The following EYS variants were observed in gnomAD, a reference collection of about 807,000 sequenced individuals.
EYS encodes the protein protein eyes shut homolog.
In EYS, 250 loss-of-function variants were observed where a neutral mutation model predicts 282.1. That is an observed-to-expected ratio of 0.89 (90% CI 0.80 to 0.98). EYS has a LOEUF of 0.98. EYS is among the 50% of genes least tolerant of loss of function. The pLI, the probability that EYS is intolerant of heterozygous loss-of-function variation, is 0.00. For missense variants in EYS, 4,016 were observed against 3,709.0 expected, an observed-to-expected ratio of 1.08 and a Z score of -2.15; for synonymous variants, 1,355 against 1,282.9, an observed-to-expected ratio of 1.06 and a Z score of -1.20.
At chr6:64,137,298 T>G (rs1324598568) in intron 31 of EYS, among the ~76,000 whole-genome samples, 1 of 152,196 alleles carries the variant, frequency 6.6e-6, no homozygotes, top group Non-Finnish European at 1.5e-5. Context: ...CCAAACTTTC[T>G]CCATATCAGC....
intron 35 of EYS, among the ~76,000 whole-genome samples, chr6:63,906,484 C>T (rs978087138): frequency 1.3e-5 from 2 of 152,174 alleles, no homozygotes; most frequent in Admixed American, 1.3e-4. Flanking sequence ...GTATAATCTT[C>T]ATGTTTATTC....
intron 37 of EYS, among the ~76,000 whole-genome samples, chr6:63,791,547 C>A (rs1348941149): frequency 6.8e-6 from 1 of 146,262 alleles, no homozygotes; most frequent in East Asian, 2.0e-4. Context: ...CACTGCACTC[C>A]AGCCTGGGCA....
At chr6:64,302,077 G>A (rs916946353) in intron 30 of EYS, among the ~76,000 whole-genome samples, 8 of 152,108 alleles carry the variant, frequency 5.3e-5, no homozygotes, top group African/African-American at 9.7e-5. Context: ...CTAAATCAAC[G>A]TACACATCCT....
intron 26 of EYS, among the ~76,000 whole-genome samples, chr6:64,491,683 A>C (rs140643043): frequency 0.016 from 2,461 of 151,118 alleles, 22 homozygotes; most frequent in South Asian, 0.035. Flanking sequence ...AGGCACAGAG[A>C]GTGCTAAAAT....
chr6:64,884,729 A>T (rs1767034369), intron 19 of EYS, among the ~76,000 whole-genome samples: 1 of 151,616 alleles, frequency 6.6e-6, no homozygotes, highest in Non-Finnish European at 1.5e-5. Flanking sequence ...CTTGAGGGGG[A>T]AAACTTCTTT....
intron 29 of EYS, among the ~76,000 whole-genome samples, chr6:64,307,565 G>T (rs1769500944): frequency 6.6e-6 from 1 of 152,096 alleles, no homozygotes; most frequent in East Asian, 1.9e-4. Context: ...TGTGGGTGGG[G>T]AAAAAATGTG....
intron 23 of EYS, among the ~76,000 whole-genome samples, chr6:64,619,658 T>C (rs1241679331): frequency 2.0e-5 from 3 of 152,086 alleles, no homozygotes; most frequent in African/African-American, 7.2e-5. Flanking sequence ...TCTTTCATTG[T>C]TGTTGTTTTT....
intron 12 of EYS, among the ~76,000 whole-genome samples, chr6:65,213,969 G>T (rs1291589207): frequency 1.3e-5 from 2 of 151,788 alleles, no homozygotes; most frequent in Non-Finnish European, 2.9e-5. Context: ...GACCATCCTG[G>T]CTAACATGGT....
chr6:64,237,607 C>A (rs1159208958), intron 30 of EYS, among the ~76,000 whole-genome samples: 2 of 152,042 alleles, frequency 1.3e-5, no homozygotes, highest in Non-Finnish European at 2.9e-5. Context: ...GAAAATAATT[C>A]AATTGCTGTT....
At chr6:65,693,833 C>A (rs11755666) in intron 1 of EYS, among the ~76,000 whole-genome samples, 33,741 of 149,420 alleles carry the variant, frequency 0.23, 5,304 homozygotes, top group African/African-American at 0.37. Context: ...AGGAAATGGT[C>A]AATAGACAAA....
At chr6:65,000,998 A>G (rs1017557184) in intron 13 of EYS, among the ~76,000 whole-genome samples, 1 of 152,148 alleles carries the variant, frequency 6.6e-6, no homozygotes, top group Non-Finnish European at 1.5e-5. Flanking sequence ...AAACCCCTTG[A>G]GGGAGGGGGA....
At chr6:65,461,210 T>C (rs536404319) in intron 5 of EYS, among the ~76,000 whole-genome samples, 1 of 152,262 alleles carries the variant, frequency 6.6e-6, no homozygotes, top group Admixed American at 6.6e-5. Flanking sequence ...CTAAGACCAT[T>C]ACCTCAAAAG....
At chr6:64,105,152 C>A (rs1332022414) in intron 31 of EYS, among the ~76,000 whole-genome samples, 1 of 151,734 alleles carries the variant, frequency 6.6e-6, no homozygotes, top group African/African-American at 2.4e-5. Context: ...TCAGAATCTG[C>A]AAGATGGTGG....
At chr6:65,516,244 C>T (rs1346723054) in intron 2 of EYS, among the ~76,000 whole-genome samples, 1 of 151,914 alleles carries the variant, frequency 6.6e-6, no homozygotes, top group Non-Finnish European at 1.5e-5. Context: ...TATGAATAAA[C>T]CTTTTATTTA....
At chr6:63,898,860 T>C (rs1279374825) in intron 35 of EYS, among the ~76,000 whole-genome samples, 2 of 152,200 alleles carry the variant, frequency 1.3e-5, no homozygotes, top group Non-Finnish European at 1.5e-5. Flanking sequence ...TTCCAATAAA[T>C]AGACTAGTCA....
chr6:64,876,560 G>T (rs533687613), intron 19 of EYS, among the ~76,000 whole-genome samples: 34 of 152,190 alleles, frequency 2.2e-4, no homozygotes, highest in African/African-American at 8.2e-4. Flanking sequence ...AAATTCCTGT[G>T]TTCAAGGAGA....
intron 26 of EYS, among the ~76,000 whole-genome samples, chr6:64,468,359 G>A (rs1019501534): frequency 2.0e-5 from 3 of 152,126 alleles, no homozygotes; most frequent in African/African-American, 7.2e-5. Context: ...TACATTTTTG[G>A]GAAATGTCTT....
intron 33 of EYS, among the ~76,000 whole-genome samples, chr6:64,057,905 C>T (rs1351950918): frequency 6.6e-6 from 1 of 152,072 alleles, no homozygotes; most frequent in Non-Finnish European, 1.5e-5. Context: ...GACCTTGGCT[C>T]ACTGCAGCCT....
At chr6:64,050,514 A>G (rs750246249) in intron 33 of EYS, among the ~76,000 whole-genome samples, 1 of 152,188 alleles carries the variant, frequency 6.6e-6, no homozygotes, top group Non-Finnish European at 1.5e-5. Flanking sequence ...AATAGGGAAA[A>G]AATTTGTTTC....
Sources: gnomAD v4.1 joint callset for allele counts (sites outside exome capture counted in the v4.1 genomes callset) on GRCh38, gnomAD v4.1.1 for gene constraint, MANE v1.5 for transcripts, NCBI Gene and HGNC (gene_info 2026-07-23, HGNC 2026-07-21) for gene names.